PIEZO1: variants seen among roughly 807,000 people sequenced by gnomAD.
PIEZO1 encodes the protein piezo-type mechanosensitive ion channel component 1.
In PIEZO1, 296 loss-of-function variants were observed where a neutral mutation model predicts 297.2. The observed-to-expected ratio is 1.00, with a 90% CI of 0.91 to 1.10. The LOEUF is 1.10. PIEZO1 is among the 50% of genes least tolerant of loss of function. PIEZO1 has a pLI of 0.00. For missense variants in PIEZO1, 5,018 were observed against 3,455.5 expected, an observed-to-expected ratio of 1.45 and a Z score of -11.34; for synonymous variants, 2,427 against 1,507.5, an observed-to-expected ratio of 1.61 and a Z score of -14.13.
Position 88,742,401 on chromosome 16 carries a change from C to A in PIEZO1, c.182G>T (p.Arg61Leu). 4 of 1,535,002 alleles carry A rather than the reference C, an allele frequency of 2.6e-6. No individual in the cohort carries two copies. The highest frequency in any genetic ancestry group is 2.6e-6 in the Non-Finnish European group (3 of 1,146,618). The change falls in exon 3 of 51, where the codon CGG becomes CTG. Residue 61 changes from arginine to leucine, a missense_variant. Coordinates refer to ENST00000301015, the MANE Select transcript of PIEZO1 (RefSeq NM_001142864.4). Reference protein sequence around the residue: ...GLQGHTGRLLRALLGLSLLFL... With the variant: ...GLQGHTGRLLLALLGLSLLFL... The stretch of plus-strand genomic sequence containing the variant: ...GAGCAGGCTGAGGCCCAGCAATGCC[C>A]GCAGGAGGCGGCCTGTGTGACCTGC...
chr16:88,770,922 G>A lies in PIEZO1; in HGVS notation c.64+13979C>T, dbSNP rs779261410. The stretch of plus-strand genomic sequence containing the variant: ...CTCTAACTATAGGAATCCGGTGGGC[G>A]GCACTGGAGAGACTCCCTGCCGTCA... On this transcript the variant is annotated intron_variant, in intron 1 of 50. Coordinates refer to ENST00000301015, the MANE Select transcript of PIEZO1 (RefSeq NM_001142864.4). Among the ~76,000 whole-genome samples, 6 of 152,220 alleles carry A rather than the reference G, an allele frequency of 3.9e-5. No homozygotes were observed. In the South Asian group the frequency reaches 6.2e-4, roughly 16 times the overall value.
rs1905024211 is a variant in PIEZO1 at position 88,733,674 on chromosome 16, G to GT, written c.2400dup (p.Arg801ThrfsTer69). 6.5e-7 allele frequency: 1 copy of GT among 1,549,440 alleles called. No homozygotes were observed. Among genetic ancestry groups the GT allele is most frequent in the African/African-American group, 1.4e-5 (1 of 73,016 alleles). On this transcript the variant is annotated frameshift_variant, in exon 18 of 51. Transcript: ENST00000301015. LOFTEE classifies it high-confidence loss of function. ...AGCCGCCGCAGGAACACCTGCACGC[G>GT]TGAGAGGACGTCCGAGAAGCCGGCT...
At position 88,727,098 on chromosome 16, in the gene PIEZO1, G is replaced by C; in HGVS notation, c.3396C>G (p.Thr1132=). The C allele has an allele frequency of 6.5e-7, 1 of 1,549,882 alleles. No individual in the cohort carries two copies. The highest frequency in any genetic ancestry group is 1.2e-5 in the South Asian group (1 of 84,040). The change falls in exon 24 of 51, where the codon ACC becomes ACG. Residue 1132 remains threonine, a synonymous_variant. Transcript: ENST00000301015. The part of the protein sequence containing the change: ...EEWQRMAGVN[T]DRLEPLRGEP... ...CCCCCCGCAGCGGCTCCAGGCGGTC[G>C]GTGTTGACGCCAGCCATGCGCTGCC... is the stretch of plus-strand genomic sequence containing the variant.
intron 1 of PIEZO1, among the ~76,000 whole-genome samples, chr16:88,761,524 G>A (rs761299266): frequency 5.3e-5 from 8 of 152,218 alleles, no homozygotes; most frequent in Non-Finnish European, 1.2e-4. Flanking sequence ...CAATGGTTGT[G>A]CTTGCGGGGT....
intron 2 of PIEZO1, chr16:88,745,089 G>T (rs1597468074): frequency 7.0e-6 from 1 of 142,974 alleles, no homozygotes; most frequent in East Asian, 2.1e-4. Context: ...CCCCCTGCAG[G>T]TCCCACCCCC....
Position 88,727,797 on chromosome 16 carries a change from G to C in PIEZO1, c.3197-136C>G, listed in dbSNP as rs77726535. On this transcript the variant is annotated intron_variant, in intron 22 of 50. Coordinates refer to ENST00000301015, the MANE Select transcript of PIEZO1 (RefSeq NM_001142864.4). ...TCACCTCGCGCACACCTGGTGTCTC[G>C]AGAACTGACAGCTCTAGTGTCCTGT... 6.1e-3 allele frequency: 2,800 copies of C among 460,480 alleles called. 80 individuals are homozygous for C. Among genetic ancestry groups the C allele is most frequent in the African/African-American group, 0.05 (2,507 of 50,120 alleles). 28.5% of individuals were successfully genotyped at this position (460,480 alleles called of 1,614,324 possible). A position where few individuals can be genotyped will look rare whatever the true frequency, so the allele number is the denominator to read the frequency against.
chr16:88,739,305 G>T (rs1597462902), intron 5 of PIEZO1: 1 of 153,100 alleles, frequency 6.5e-6, no homozygotes, highest in Non-Finnish European at 1.5e-5. Flanking sequence ...CTGGGGCTGG[G>T]GAGAGAGACC....
intron 1 of PIEZO1, among the ~76,000 whole-genome samples, chr16:88,759,702 G>A (rs987026113): frequency 2.0e-5 from 3 of 152,198 alleles, no homozygotes; most frequent in Non-Finnish European, 2.9e-5. Flanking sequence ...GGGCTCAGAC[G>A]GATCCCACTT....
intron 21 of PIEZO1, 30 bp downstream of exon 21, chr16:88,732,305 C>A: frequency 6.5e-7 from 1 of 1,533,190 alleles, no homozygotes; most frequent in Admixed American, 2.0e-5. Flanking sequence ...CCAAGCCCTG[C>A]CCCAGGGGGA....
intron 1 of PIEZO1, among the ~76,000 whole-genome samples, chr16:88,770,959 C>T (rs966535525): frequency 6.6e-6 from 1 of 152,208 alleles, no homozygotes; most frequent in African/African-American, 2.4e-5. Context: ...ATGCCCTGAG[C>T]GCAGGGGATT....
rs960905074 is a variant in PIEZO1 at position 88,720,155 on chromosome 16, G to T, written c.6078C>A (p.Thr2026=). The change falls in exon 42 of 51, where the codon ACC becomes ACA. Residue 2026 remains threonine (T), a synonymous_variant. Transcript: ENST00000301015. The part of the protein sequence containing the change: ...VVDRALYLRK[T]VLGKLAFQVA... ...CCTGGAAGGCCAGCTTGCCCAGCAC[G>T]GTCTTGCGCAGGTAGAGGGCGCGGT... is the stretch of plus-strand genomic sequence containing the variant. 93 of 1,550,346 alleles carry T rather than the reference G, an allele frequency of 6.0e-5. No homozygotes were observed. Among genetic ancestry groups the T allele is most frequent in the Non-Finnish European group, 7.5e-5 (86 of 1,146,992 alleles).
intron 2 of PIEZO1, chr16:88,743,850 T>C (rs2142849053): frequency 2.9e-6 from 1 of 345,186 alleles, no homozygotes; most frequent in East Asian, 7.8e-5. Flanking sequence ...CCTGCAGCTA[T>C]GACCTCTGAC....
Position 88,726,482 on chromosome 16 carries a change from A to G in PIEZO1, c.3797-27T>C, listed in dbSNP as rs936193244. ...TGCAAGGCAGGCACCGGCAAGGGTC[A>G]GGCCCAGGGCCCAGGAGCAGGGGGC... On this transcript the variant is annotated intron_variant, in intron 26 of 50. Coordinates refer to ENST00000301015, the MANE Select transcript of PIEZO1 (RefSeq NM_001142864.4). 371 of 1,547,682 alleles carry G rather than the reference A, an allele frequency of 2.4e-4. 1 individual carries two copies. The highest frequency in any genetic ancestry group is 5.5e-5 in the Non-Finnish European group (63 of 1,145,648).
Position 88,737,658 on chromosome 16 carries a change from C to G in PIEZO1, c.1108-12G>C. On this transcript the variant is annotated splice_polypyrimidine_tract_variant and intron_variant, in intron 9 of 50. Coordinates refer to ENST00000301015, the MANE Select transcript of PIEZO1 (RefSeq NM_001142864.4). ...GTGGGCACCACGTGCTGTGGGCAAG[C>G]AGCGCTGAGCCATGCACGGGCTGGC... 1 of 1,534,076 alleles carries G rather than the reference C, an allele frequency of 6.5e-7. No homozygotes were observed. The highest frequency in any genetic ancestry group is 1.4e-5 in the African/African-American group (1 of 73,126).
chr16:88,722,831 G>T lies in PIEZO1; in HGVS notation c.4668+6C>A. The T allele has an allele frequency of 6.5e-7, 1 of 1,544,140 alleles. No individual in the cohort carries two copies. Among genetic ancestry groups the T allele is most frequent in the Non-Finnish European group, 8.7e-7 (1 of 1,146,312 alleles). On this transcript the variant is annotated splice_donor_region_variant and intron_variant, in intron 34 of 50. Coordinates refer to ENST00000301015, the MANE Select transcript of PIEZO1 (RefSeq NM_001142864.4). ...AGGGACGAGCGTGGTGCACGGGCAGGCTCACCTGCAGGAGCTCCTGTGTGA... is the reference window on the plus strand; with the variant it reads ...AGGGACGAGCGTGGTGCACGGGCAGTCTCACCTGCAGGAGCTCCTGTGTGA...
rs1004070979 is a variant in PIEZO1 at position 88,715,514 on chromosome 16, C to T, written c.*91G>A. Reference sequence around the variant, plus strand: ...TCACAGCTGGCGGCCTTGGACGGGGCAGTGGCTCCCCCGGCCTGAGGAGTG... The same window carrying T: ...TCACAGCTGGCGGCCTTGGACGGGGTAGTGGCTCCCCCGGCCTGAGGAGTG... On this transcript the variant is annotated 3_prime_UTR_variant, in exon 51 of 51. Coordinates refer to ENST00000301015, the MANE Select transcript of PIEZO1 (RefSeq NM_001142864.4). 1.5e-5 allele frequency: 20 copies of T among 1,315,734 alleles called. No individual in the cohort carries two copies. The highest frequency in any genetic ancestry group is 2.0e-5 in the Non-Finnish European group (19 of 960,172). The allele number at this position is 1,315,734 out of a possible 1,614,324, so 81.5% of individuals were successfully genotyped here. A position where few individuals can be genotyped will look rare whatever the true frequency, so the allele number is the denominator to read the frequency against.
At chr16:88,724,831 G>C (rs569357290) in intron 30 of PIEZO1, among the ~76,000 whole-genome samples, 178 bp downstream of exon 30, 1 of 152,200 alleles carries the variant, frequency 6.6e-6, no homozygotes, top group African/African-American at 2.4e-5. Flanking sequence ...AGAGGACATA[G>C]TCAGCCCAGG....
rs548784762 is a variant in PIEZO1, at chr16:88,719,867, G to A, written c.6258C>T (p.Pro2086=). ...LSAYQIRCGY[P]TRILGNFLTK... is the part of the protein sequence containing the mutation. ...TGAGGAAGTTGCCGAGGATGCGGGT[G>A]GGGTAGCCGCAGCGGATCTGGTAGG... Residue 2086 remains proline (P), a synonymous_variant, in exon 43 of 51, where the codon CCC becomes CCT. Transcript: ENST00000301015. 3.9e-6 allele frequency: 6 copies of A among 1,550,560 alleles called. No individual in the cohort carries two copies. In the East Asian group the frequency reaches 1.2e-4, roughly 32 times the overall value.
At chr16:88,772,497 C>A (rs919146496) in intron 1 of PIEZO1, among the ~76,000 whole-genome samples, 1 of 152,184 alleles carries the variant, frequency 6.6e-6, no homozygotes, top group South Asian at 2.1e-4. Context: ...AGGCCCGTGC[C>A]TGGCAGGGCA....
Sources: gnomAD v4.1 joint callset for allele counts (sites outside exome capture counted in the v4.1 genomes callset) on GRCh38, gnomAD v4.1.1 for gene constraint, MANE v1.5 for transcripts, NCBI Gene and HGNC (gene_info 2026-07-23, HGNC 2026-07-21) for gene names.